The following GRIN2A variants were observed in gnomAD, a reference collection of about 807,000 sequenced individuals.
GRIN2A encodes the protein glutamate receptor ionotropic, NMDA 2A.
In GRIN2A, 22 loss-of-function variants were observed where a neutral mutation model predicts 113.4. The ratio of observed to expected loss-of-function variants is 0.19; its 90% CI spans 0.14 to 0.28. GRIN2A has a LOEUF of 0.28. Among genes scored for constraint, GRIN2A ranks in the 10% least tolerant of loss-of-function variants. The pLI is 1.00. For synonymous variants in GRIN2A, 827 were observed against 738.4 expected, an observed-to-expected ratio of 1.12 and a Z score of -1.94; for missense variants, 1,502 against 1,887.0, an observed-to-expected ratio of 0.80 and a Z score of 3.78.
At chr16:10,097,877 G>A (rs1352037077) in intron 2 of GRIN2A, among the ~76,000 whole-genome samples, 1 of 152,122 alleles carries the variant, frequency 6.6e-6, no homozygotes, top group African/African-American at 2.4e-5. Flanking sequence ...CTAGACATTG[G>A]ATTAGGCAAA....
At chr16:10,065,829 A>T (rs898578155) in intron 2 of GRIN2A, among the ~76,000 whole-genome samples, 2 of 152,188 alleles carry the variant, frequency 1.3e-5, no homozygotes, top group African/African-American at 4.8e-5. Flanking sequence ...CTCTGTCATG[A>T]CATTGGACAA....
intron 7 of GRIN2A, among the ~76,000 whole-genome samples, chr16:9,835,513 A>G (rs2042570424): frequency 6.6e-6 from 1 of 152,216 alleles, no homozygotes; most frequent in Non-Finnish European, 1.5e-5. Context: ...CTATAAAATC[A>G]ACAGAAAATA....
At chr16:10,030,416 G>A (rs2046907112) in intron 2 of GRIN2A, among the ~76,000 whole-genome samples, 2 of 152,138 alleles carry the variant, frequency 1.3e-5, no homozygotes, top group African/African-American at 4.8e-5. Flanking sequence ...TGTGGCTGCT[G>A]TGTCCAGTCA....
At position 9,764,261 on chromosome 16, in the gene GRIN2A, G is replaced by A; in HGVS notation, c.3283C>T (p.Pro1095Ser). 1 of 1,613,856 alleles carries A rather than the reference G, an allele frequency of 6.2e-7. No homozygotes were observed. Among genetic ancestry groups the A allele is most frequent in the Non-Finnish European group, 8.5e-7 (1 of 1,179,944 alleles). The change falls in exon 13 of 13, where the codon CCC (proline) becomes TCC (serine). Residue 1095 changes from proline to serine, a missense_variant. Physicochemically the swap from Pro to Ser is moderately conservative, Grantham distance 74 (BLOSUM62 -1). Coordinates refer to ENST00000330684, the MANE Select transcript of GRIN2A (RefSeq NM_001134407.3). Reference protein sequence around the residue: ...NFKRSVASKYPKDCSEVERTY... With the variant: ...NFKRSVASKYSKDCSEVERTY... The stretch of plus-strand genomic sequence containing the variant: ...CGCTCGACCTCACTACAGTCCTTGG[G>A]GTATTTGGAGGCCACTGACCTTTTA...
chr16:9,845,850 T>C (rs1430169004), intron 5 of GRIN2A, among the ~76,000 whole-genome samples: 1 of 152,230 alleles, frequency 6.6e-6, no homozygotes. Flanking sequence ...TATTACAACA[T>C]GGGGTCACCC....
Position 10,097,181 on chromosome 16 carries a change from G to C in GRIN2A, c.414+82817C>G, listed in dbSNP as rs368893501. Among the ~76,000 whole-genome samples, 11 of 152,310 alleles carry C rather than the reference G, an allele frequency of 7.2e-5. No individual in the cohort carries two copies. The East Asian group carries it at 7.7e-4, about 11-fold the overall frequency. ...TTAGGCAGCAGTCTCTGAGCTGTTTGGTCTTCGTGGTATATATTTTTGCAA... is the reference window on the plus strand; with the variant it reads ...TTAGGCAGCAGTCTCTGAGCTGTTTCGTCTTCGTGGTATATATTTTTGCAA... On this transcript the variant is annotated intron_variant, in intron 2 of 12. Coordinates refer to ENST00000330684, the MANE Select transcript of GRIN2A (RefSeq NM_001134407.3).
chr16:9,942,947 G>A (rs1297593948), intron 2 of GRIN2A, among the ~76,000 whole-genome samples: 1 of 152,174 alleles, frequency 6.6e-6, no homozygotes, highest in African/African-American at 2.4e-5. Flanking sequence ...GCATAGCAGA[G>A]CAATGAAGAG....
At chr16:10,050,446 G>T (rs914511008) in intron 2 of GRIN2A, among the ~76,000 whole-genome samples, 2 of 151,982 alleles carry the variant, frequency 1.3e-5, no homozygotes, top group Non-Finnish European at 2.9e-5. Context: ...TCAGATAAGT[G>T]GCAGCATTAG....
In GRIN2A at chr16:9,759,966, T is replaced by C. The variant is rs1226504903; in HGVS notation, c.*3183A>G. On this transcript the variant is annotated 3_prime_UTR_variant, in exon 13 of 13. Coordinates refer to ENST00000330684, the MANE Select transcript of GRIN2A (RefSeq NM_001134407.3). ...GGTTGCATGTGCGTGCTATTACCCATGGACAGAGACCCAACCGTTTGCATT... is the reference window on the plus strand; with the variant it reads ...GGTTGCATGTGCGTGCTATTACCCACGGACAGAGACCCAACCGTTTGCATT... 4.3e-6 allele frequency: 1 copy of C among 231,200 alleles called. No individual in the cohort carries two copies. Among genetic ancestry groups the C allele is most frequent in the South Asian group, 1.8e-4 (1 of 5,516 alleles). 14.3% of individuals were successfully genotyped at this position (231,200 alleles called of 1,614,324 possible).
At chr16:10,155,510 C>T (rs918490185) in intron 2 of GRIN2A, among the ~76,000 whole-genome samples, 2 of 152,194 alleles carry the variant, frequency 1.3e-5, no homozygotes, top group African/African-American at 2.4e-5. Context: ...ACAGTCCCTG[C>T]CAATTCTCCT....
chr16:10,040,715 C>T (rs570768269), intron 2 of GRIN2A, among the ~76,000 whole-genome samples: 1 of 152,210 alleles, frequency 6.6e-6, no homozygotes, highest in African/African-American at 2.4e-5. Context: ...CATACACACA[C>T]CATAGGCACA....
At chr16:9,849,428 G>C (rs891366285) in intron 5 of GRIN2A, among the ~76,000 whole-genome samples, 2 of 151,884 alleles carry the variant, frequency 1.3e-5, no homozygotes, top group African/African-American at 4.8e-5. Context: ...GAGTCAGTTG[G>C]ACCACTGTTT....
At chr16:10,047,602 C>A (rs1439509381) in intron 2 of GRIN2A, among the ~76,000 whole-genome samples, 2 of 152,192 alleles carry the variant, frequency 1.3e-5, no homozygotes, top group Non-Finnish European at 2.9e-5. Context: ...TGCCTCAGAT[C>A]TTCTTACCAT....
chr16:10,039,656 C>T (rs2047106103), intron 2 of GRIN2A, among the ~76,000 whole-genome samples: 1 of 151,344 alleles, frequency 6.6e-6, no homozygotes, highest in African/African-American at 2.4e-5. Context: ...CACCCGGGAG[C>T]GGGGGCGGCT....
chr16:9,859,933 T>C (rs1320467158), intron 4 of GRIN2A, among the ~76,000 whole-genome samples: 1 of 151,990 alleles, frequency 6.6e-6, no homozygotes, highest in African/African-American at 2.4e-5. Flanking sequence ...TGCTTTCCAC[T>C]GTGCCGGGTA....
intron 2 of GRIN2A, among the ~76,000 whole-genome samples, chr16:9,944,650 C>T (rs191721095): frequency 2.2e-4 from 34 of 152,118 alleles, no homozygotes; most frequent in Admixed American, 2.0e-3. Flanking sequence ...TCTTGCATGT[C>T]CTTCAGACTG....
intron 3 of GRIN2A, among the ~76,000 whole-genome samples, chr16:9,927,155 T>G (rs2044484306): frequency 6.6e-6 from 1 of 152,228 alleles, no homozygotes; most frequent in Non-Finnish European, 1.5e-5. Context: ...TACCTCTTTC[T>G]CATTGTTAAC....
chr16:9,899,075 A>C (rs765030163), intron 3 of GRIN2A, among the ~76,000 whole-genome samples: 1 of 151,836 alleles, frequency 6.6e-6, no homozygotes, highest in Non-Finnish European at 1.5e-5. Context: ...CATATACAGT[A>C]CTCATTGGTG....
intron 2 of GRIN2A, among the ~76,000 whole-genome samples, chr16:10,024,178 T>A (rs138190625): frequency 6.6e-6 from 1 of 152,220 alleles, no homozygotes; most frequent in Non-Finnish European, 1.5e-5. Flanking sequence ...TTTTGGCTCA[T>A]TGCAGACTAA....
Sources: gnomAD v4.1 joint callset for allele counts (sites outside exome capture counted in the v4.1 genomes callset) on GRCh38, gnomAD v4.1.1 for gene constraint, MANE v1.5 for transcripts, NCBI Gene and HGNC (gene_info 2026-07-23, HGNC 2026-07-21) for gene names.